Variants in ANXA8 observed in about 807,000 individuals in gnomAD.
The protein encoded by ANXA8 is annexin A8, also known as VAC-beta.
Under a neutral mutation model 26.8 loss-of-function variants are expected in ANXA8, and 9 were observed. The observed-to-expected ratio is 0.34, with a 90% CI of 0.20 to 0.59. The LOEUF (loss-of-function observed/expected upper bound fraction) is 0.59, where lower values mean the gene tolerates loss of function less well. ANXA8 is among the 20% of genes least tolerant of loss of function. The probability of loss-of-function intolerance (pLI) is 0.84; values close to 1 mark genes in which losing one functional copy is unlikely to be tolerated. For synonymous variants in ANXA8, 39 were observed against 94.8 expected (o/e 0.41, Z 3.42); for missense variants, 83 against 238.5 (o/e 0.35, Z 4.29).
the ANXA8 span, among the ~76,000 whole-genome samples, chr10:47,909,778 A>G: frequency 3.5e-5 from 5 of 144,468 alleles, 1 homozygote; most frequent in South Asian, 7.0e-4. Flanking sequence ...AGTCATGTCA[A>G]TTGTATGTCA....
chr10:47,600,291 C>T, the ANXA8 span, among the ~76,000 whole-genome samples: 7 of 150,566 alleles, frequency 4.6e-5, no homozygotes, highest in African/African-American at 1.7e-4. Flanking sequence ...ACAAGCAAGG[C>T]TGCGAAGCCC....
chr10:47,683,043 G>T, the ANXA8 span, among the ~76,000 whole-genome samples: 1 of 152,162 alleles, frequency 6.6e-6, no homozygotes, highest in Non-Finnish European at 1.5e-5. Flanking sequence ...GAAGTCAGTT[G>T]TCTGCTCACA....
chr10:47,495,062 C>CCT, the ANXA8 span, among the ~76,000 whole-genome samples: 2,228 of 148,728 alleles, frequency 0.015, 31 homozygotes, highest in African/African-American at 0.048. Context: ...AACCACCTCT[C>CCT]CTCTCTCTCT....
the ANXA8 span, among the ~76,000 whole-genome samples, chr10:47,953,389 A>G: frequency 1.3e-5 from 2 of 150,592 alleles, no homozygotes; most frequent in South Asian, 2.1e-4. Flanking sequence ...TCACACCATG[A>G]GGATGCCTGA....
At chr10:47,485,287 G>C (rs1158257191), upstream of ANXA8, among the ~76,000 whole-genome samples, 6 of 151,952 alleles carry the variant, frequency 3.9e-5, no homozygotes, top group African/African-American at 1.5e-4. Flanking sequence ...ACCTGTGTGT[G>C]CCTGTGCATA....
the ANXA8 span, among the ~76,000 whole-genome samples, chr10:47,942,702 G>A: frequency 4.2e-5 from 6 of 142,436 alleles, no homozygotes; most frequent in Non-Finnish European, 6.0e-5. Flanking sequence ...GGCTGGAAGT[G>A]TTTGAGTCTG....
chr10:47,940,671 T>C, the ANXA8 span, among the ~76,000 whole-genome samples: 1 of 147,178 alleles, frequency 6.8e-6, no homozygotes, highest in Non-Finnish European at 1.5e-5. Flanking sequence ...CTACTACAAA[T>C]ACAAAAAATT....
the ANXA8 span, among the ~76,000 whole-genome samples, chr10:47,743,283 C>CACATATATATATACATATAT: frequency 3.7e-4 from 30 of 81,962 alleles, no homozygotes; most frequent in Admixed American, 5.9e-4. Context: ...TATATACACA[C>CACATATATATATACATATAT]ATATATATAT....
chr10:47,701,966 A>G, the ANXA8 span, among the ~76,000 whole-genome samples: 16 of 150,918 alleles, frequency 1.1e-4, no homozygotes, highest in Admixed American at 4.0e-4. Context: ...AGGACTGTAC[A>G]TAAATGCTGC....
At chr10:47,517,208 ATTAAC>A in the ANXA8 span, among the ~76,000 whole-genome samples, 2 of 101,872 alleles carry the variant, frequency 2.0e-5, no homozygotes, top group Non-Finnish European at 3.8e-5. Context: ...AGTGCTGGCA[ATTAAC>A]TTAACTATTC....
the ANXA8 span, among the ~76,000 whole-genome samples, chr10:47,663,118 G>T: frequency 7.2e-6 from 1 of 139,032 alleles, no homozygotes; most frequent in Non-Finnish European, 1.5e-5. Context: ...GGAGGTTGAG[G>T]CAGCAGTGAG....
At chr10:47,632,037 T>G in the ANXA8 span, among the ~76,000 whole-genome samples, 1 of 152,260 alleles carries the variant, frequency 6.6e-6, no homozygotes, top group South Asian at 2.1e-4. Flanking sequence ...TTATTGTTAA[T>G]CCTACTTGCA....
At chr10:47,765,937 C>T in the ANXA8 span, among the ~76,000 whole-genome samples, 1 of 149,576 alleles carries the variant, frequency 6.7e-6, no homozygotes, top group Non-Finnish European at 1.5e-5. Context: ...GCCCCTCCCA[C>T]CCTCCTTCTC....
chr10:47,895,163 C>T, the ANXA8 span, among the ~76,000 whole-genome samples: 43 of 150,840 alleles, frequency 2.9e-4, no homozygotes, highest in East Asian at 5.3e-3. Context: ...AGTACCTGCA[C>T]GTGAAATTGG....
the ANXA8 span, among the ~76,000 whole-genome samples, chr10:47,608,048 CTT>C: frequency 6.7e-6 from 1 of 148,740 alleles, no homozygotes; most frequent in Non-Finnish European, 1.5e-5. Flanking sequence ...GGGAGAAGGT[CTT>C]TCTCATACAC....
chr10:47,932,427 G>A, the ANXA8 span, among the ~76,000 whole-genome samples: 2 of 150,800 alleles, frequency 1.3e-5, no homozygotes, highest in African/African-American at 4.9e-5. Context: ...TCATGGAATG[G>A]GGCTCTCCAA....
At chr10:47,755,114 G>A in the ANXA8 span, among the ~76,000 whole-genome samples, 29 of 149,738 alleles carry the variant, frequency 1.9e-4, no homozygotes, top group African/African-American at 4.9e-4. Flanking sequence ...GCACCACCAC[G>A]CCTAGCTAAC....
At chr10:47,959,452 T>C in the ANXA8 span, among the ~76,000 whole-genome samples, 4 of 149,788 alleles carry the variant, frequency 2.7e-5, no homozygotes, top group East Asian at 2.1e-4. Context: ...ACACATTGGA[T>C]GTGCTTATTA....
At chr10:47,647,169 C>T in the ANXA8 span, among the ~76,000 whole-genome samples, 11 of 152,358 alleles carry the variant, frequency 7.2e-5, no homozygotes, top group African/African-American at 2.6e-4. Context: ...GCATTAACTG[C>T]AATATAAAAG....
Sources: gnomAD v4.1 joint callset for allele counts (sites outside exome capture counted in the v4.1 genomes callset) on GRCh38, gnomAD v4.1.1 for gene constraint, MANE v1.5 for transcripts, NCBI Gene and HGNC (gene_info 2026-07-23, HGNC 2026-07-21) for gene names.